The following RAPGEF2 variants were observed in gnomAD, a reference collection of about 807,000 sequenced individuals.
RAPGEF2 encodes the protein PDZ domain containing guanine nucleotide exchange factor (GEF) 1.
A neutral mutation model predicts 186.7 loss-of-function variants in RAPGEF2; 54 were observed. That is an observed-to-expected ratio of 0.29 (90% CI 0.23 to 0.36). The LOEUF is 0.36. Among genes scored for constraint, RAPGEF2 ranks in the 10% least tolerant of loss-of-function variants. RAPGEF2 has a pLI of 1.00. For missense variants in RAPGEF2, 1,532 were observed against 2,045.0 expected (o/e 0.75, Z 4.84); for synonymous variants, 712 against 705.9 (o/e 1.01, Z -0.14).
At chr4:159,238,648 C>T (rs1753589083) in intron 4 of RAPGEF2, among the ~76,000 whole-genome samples, 161 bp from the exon 5 acceptor site, 1 of 152,144 alleles carries the variant, frequency 6.6e-6, no homozygotes, top group South Asian at 2.1e-4. Context: ...GCTTTCTTGT[C>T]ATTCTGTGTA....
chr4:159,181,576 T>C (rs1438151546), intron 1 of RAPGEF2, among the ~76,000 whole-genome samples: 3 of 38,610 alleles, frequency 7.8e-5, no homozygotes, highest in East Asian at 3.5e-4. Flanking sequence ...GAAGACAGTC[T>C]TTTTTTTTTT....
chr4:159,162,474 A>G (rs1579341007), intron 1 of RAPGEF2, among the ~76,000 whole-genome samples: 3 of 152,220 alleles, frequency 2.0e-5, no homozygotes, highest in African/African-American at 7.2e-5. Flanking sequence ...ATAATTTTCA[A>G]CCACCTGGGA....
intron 7 of RAPGEF2, among the ~76,000 whole-genome samples, chr4:159,300,108 G>A (rs1762472692): frequency 6.6e-6 from 1 of 151,034 alleles, no homozygotes; most frequent in East Asian, 1.9e-4. Context: ...TATTAAAAGT[G>A]TAAAGTAATA....
chr4:159,350,152 A>C lies in RAPGEF2; in HGVS notation c.3728A>C (p.Gln1243Pro). 1 of 1,570,256 alleles carries C rather than the reference A, an allele frequency of 6.4e-7. No individual in the cohort carries two copies. The highest frequency in any genetic ancestry group is 1.2e-5 in the South Asian group (1 of 81,874). ...TCCATTATAGGCATAAACTCTCCACAAGCTTTAAAAAAAATTCTTTCTTTG... is the reference window on the plus strand; with the variant it reads ...TCCATTATAGGCATAAACTCTCCACCAGCTTTAAAAAAAATTCTTTCTTTG... ...DLPPFGINSP[Q>P]ALKKILSLSE... The change falls in exon 26 of 30, where the codon CAA becomes CCA. Residue 1243 changes from glutamine to proline, a missense_variant. This residue lies in a region of RAPGEF2 where 594 missense variants were observed against 608.5 expected (regional missense o/e 0.98). Transcript: ENST00000691494.
chr4:159,147,481 C>G (rs1014694767), intron 1 of RAPGEF2, among the ~76,000 whole-genome samples: 2 of 151,540 alleles, frequency 1.3e-5, no homozygotes, highest in South Asian at 4.2e-4. Flanking sequence ...CAAGGTCATA[C>G]AATATCAAGT....
chr4:159,341,583 A>G lies in RAPGEF2; in HGVS notation c.2554A>G (p.Met852Val). 1 of 1,598,068 alleles carries G rather than the reference A, an allele frequency of 6.3e-7. No individual in the cohort carries two copies. Reference protein sequence around the residue: ...LSGRYYLKNNMETETLCSDED... With the variant: ...LSGRYYLKNNVETETLCSDED... The stretch of plus-strand genomic sequence containing the variant: ...TCATAGGTATTATCTGAAAAACAAC[A>G]TGGAAACAGAAACTCTTTGTTCAGA... The change falls in exon 20 of 30, where the codon ATG becomes GTG. Residue 852 changes from methionine (M) to valine (V), a missense_variant. Coordinates refer to ENST00000691494, the MANE Select transcript of RAPGEF2 (RefSeq NM_001394067.2).
intron 7 of RAPGEF2, 149 bp from the exon 8 acceptor site, chr4:159,304,193 A>G (rs1054577402): frequency 2.9e-6 from 2 of 696,662 alleles, no homozygotes; most frequent in Admixed American, 7.2e-5. Flanking sequence ...TGGGTAAATA[A>G]GACAATATTT....
rs566275698 is a variant in RAPGEF2, at chr4:159,210,441, T to A, written c.198-59T>A. 3 of 1,198,520 alleles carry A rather than the reference T, an allele frequency of 2.5e-6. No homozygotes were observed. The East Asian group carries it at 7.6e-5, about 31-fold the overall frequency. 74.2% of individuals were successfully genotyped at this position (1,198,520 alleles called of 1,614,324 possible). On this transcript the variant is annotated intron_variant, in intron 3 of 29. Transcript: ENST00000691494. ...GTGCTGCACTTTGTGCTATATGTTT[T>A]AATTTTTTGTTGTTGTTGTTATAGG...
At chr4:159,244,785 T>G (rs1754420650) in intron 7 of RAPGEF2, among the ~76,000 whole-genome samples, 1 of 151,968 alleles carries the variant, frequency 6.6e-6, no homozygotes, top group African/African-American at 2.4e-5. Flanking sequence ...TCCTTTATGT[T>G]CTATACAAGA....
chr4:159,252,473 C>G (rs1195416349), intron 7 of RAPGEF2, among the ~76,000 whole-genome samples: 4 of 152,138 alleles, frequency 2.6e-5, no homozygotes, highest in African/African-American at 9.7e-5. Context: ...TAAGCATATC[C>G]CTAACCAACT....
At chr4:159,181,315 C>A (rs1746983886) in intron 1 of RAPGEF2, among the ~76,000 whole-genome samples, 1 of 152,168 alleles carries the variant, frequency 6.6e-6, no homozygotes. Flanking sequence ...TCTTAGACTT[C>A]TCCATCCTTT....
chr4:159,196,331 GTTA>G (rs1467348891), intron 3 of RAPGEF2, among the ~76,000 whole-genome samples: 1 of 152,058 alleles, frequency 6.6e-6, no homozygotes, highest in Non-Finnish European at 1.5e-5. Flanking sequence ...TTTCGGACCT[GTTA>G]TTATTACCTT....
intron 7 of RAPGEF2, among the ~76,000 whole-genome samples, chr4:159,291,726 G>C (rs933527442): frequency 1.3e-5 from 2 of 151,792 alleles, no homozygotes; most frequent in Non-Finnish European, 2.9e-5. Flanking sequence ...AATAGATGGA[G>C]TTTCACAGTT....
intron 7 of RAPGEF2, among the ~76,000 whole-genome samples, chr4:159,294,238 A>G (rs1356643190): frequency 1.3e-5 from 2 of 152,178 alleles, no homozygotes; most frequent in African/African-American, 2.4e-5. Context: ...CATGGATCCC[A>G]TAGGAATCTT....
intron 4 of RAPGEF2, among the ~76,000 whole-genome samples, chr4:159,232,769 C>T (rs1168298839): frequency 6.6e-6 from 1 of 152,114 alleles, no homozygotes; most frequent in Non-Finnish European, 1.5e-5. Flanking sequence ...GGTTCCAAGT[C>T]CTCCACATTA....
chr4:159,165,611 A>G (rs1745221251), intron 1 of RAPGEF2, among the ~76,000 whole-genome samples: 1 of 152,162 alleles, frequency 6.6e-6, no homozygotes, highest in Non-Finnish European at 1.5e-5. Flanking sequence ...GATTGTGTAA[A>G]CAATGGATTT....
At chr4:159,209,795 CA>C in intron 3 of RAPGEF2, among the ~76,000 whole-genome samples, 1 of 152,252 alleles carries the variant, frequency 6.6e-6, no homozygotes, top group African/African-American at 2.4e-5. Flanking sequence ...ACTGTATGTG[CA>C]AAATTACTAT....
At chr4:159,239,225 T>C (rs578248259) in intron 5 of RAPGEF2, among the ~76,000 whole-genome samples, 1 of 152,194 alleles carries the variant, frequency 6.6e-6, no homozygotes, top group African/African-American at 2.4e-5. Flanking sequence ...CAAGTGTTGA[T>C]TGGAATGAGT....
At chr4:159,228,144 C>T (rs1169231695) in intron 4 of RAPGEF2, 3 of 152,274 alleles carry the variant, frequency 2.0e-5, no homozygotes, top group African/African-American at 7.2e-5. Flanking sequence ...AAACACATAG[C>T]TGCAGCCAGG....
Sources: allele counts gnomAD v4.1 joint callset (sites outside exome capture counted in the v4.1 genomes callset), GRCh38; gene constraint gnomAD v4.1.1; regional missense constraint gnomAD v4.1.1; transcripts MANE v1.5; gene names NCBI Gene and HGNC (gene_info 2026-07-23, HGNC 2026-07-21).